CADM2: variants seen among roughly 807,000 people sequenced by gnomAD.
CADM2 encodes immunoglobulin superfamily member 4D.
Under a neutral mutation model 49.8 loss-of-function variants are expected in CADM2, and 12 were observed. That is an observed-to-expected ratio of 0.24 (90% confidence interval 0.15 to 0.39). CADM2 has a LOEUF of 0.39. Ranked by LOEUF, CADM2 falls within the 10% of genes least tolerant of loss-of-function variation. The probability of loss-of-function intolerance (pLI) is 1.00; values close to 1 mark genes in which losing one functional copy is unlikely to be tolerated. For synonymous variants in CADM2, 214 were observed against 175.4 expected (o/e 1.22, Z -1.74); for missense variants, 378 against 492.3 (o/e 0.77, Z 2.20).
At chr3:86,061,525 A>G (rs1450064804) in intron 8 of CADM2, among the ~76,000 whole-genome samples, 1 of 152,176 alleles carries the variant, frequency 6.6e-6, no homozygotes, top group East Asian at 1.9e-4. Context: ...TACATTTTAG[A>G]AGGATTAAGA....
chr3:85,733,685 C>T (rs1337228531), intron 2 of CADM2, among the ~76,000 whole-genome samples: 1 of 152,124 alleles, frequency 6.6e-6, no homozygotes, highest in Non-Finnish European at 1.5e-5. Flanking sequence ...AAACAAGGCT[C>T]AATTTTGTAT....
intron 1 of CADM2, among the ~76,000 whole-genome samples, chr3:85,019,082 A>C (rs562631126): frequency 6.6e-6 from 1 of 152,318 alleles, no homozygotes; most frequent in South Asian, 2.1e-4. Context: ...AAGTGCTAGA[A>C]ATTTGGTTTG....
intron 1 of CADM2, among the ~76,000 whole-genome samples, chr3:85,306,955 T>C (rs2044226887): frequency 6.6e-6 from 1 of 151,628 alleles, no homozygotes; most frequent in Non-Finnish European, 1.5e-5. Flanking sequence ...TCAGTCAGTA[T>C]TTCTTCTCCC....
At chr3:86,016,138 T>C (rs973318358) in intron 8 of CADM2, among the ~76,000 whole-genome samples, 1 of 152,134 alleles carries the variant, frequency 6.6e-6, no homozygotes, top group Non-Finnish European at 1.5e-5. Context: ...AGTCTTTTGA[T>C]ACACTATTTT....
chr3:85,964,329 G>A (rs1159212913), intron 8 of CADM2, among the ~76,000 whole-genome samples: 2 of 151,530 alleles, frequency 1.3e-5, no homozygotes, highest in East Asian at 2.0e-4. Context: ...GCTGAGACCC[G>A]TGTCTTTGAC....
intron 1 of CADM2, among the ~76,000 whole-genome samples, chr3:85,708,970 T>C (rs1043688058): frequency 5.9e-5 from 9 of 152,130 alleles, no homozygotes; most frequent in Non-Finnish European, 1.2e-4. Flanking sequence ...TCTAGGCTTT[T>C]GCCTGATACA....
Position 85,264,459 on chromosome 3 carries a change from C to T in CADM2, c.61+304791C>T, listed in dbSNP as rs184353403. Among the ~76,000 whole-genome samples, 273 of 152,140 alleles carry T rather than the reference C, an allele frequency of 1.8e-3. 1 individual carries two copies. Among genetic ancestry groups the T allele is most frequent in the African/African-American group, 6.3e-3 (262 of 41,548 alleles). The stretch of plus-strand genomic sequence containing the variant: ...AAATACTATACTAATTATATCATAT[C>T]AACAGTAAAATTGTTTATTCCTTTT... On this transcript the variant is annotated intron_variant, in intron 1 of 9. Transcript: ENST00000383699.
At chr3:85,978,837 A>G (rs1056006533) in intron 8 of CADM2, among the ~76,000 whole-genome samples, 2 of 148,636 alleles carry the variant, frequency 1.3e-5, no homozygotes, top group Non-Finnish European at 3.0e-5. Flanking sequence ...ATTTTTTTTT[A>G]CCTACATGTT....
At chr3:85,018,015 A>G (rs1209622720) in intron 1 of CADM2, among the ~76,000 whole-genome samples, 2 of 152,164 alleles carry the variant, frequency 1.3e-5, no homozygotes, top group African/African-American at 4.8e-5. Context: ...GACTTGTCAG[A>G]ATCTCTATCA....
chr3:85,485,450 T>C (rs967189782), intron 1 of CADM2, among the ~76,000 whole-genome samples: 7 of 151,966 alleles, frequency 4.6e-5, no homozygotes, highest in Non-Finnish European at 7.4e-5. Context: ...AATTATTCCT[T>C]AAAGAATACC....
chr3:85,366,567 T>G (rs1455608518), intron 1 of CADM2, among the ~76,000 whole-genome samples: 1 of 152,144 alleles, frequency 6.6e-6, no homozygotes, highest in African/African-American at 2.4e-5. Context: ...CAGGAAAAAT[T>G]TAACCACAGG....
At chr3:85,949,655 G>A (rs960857058) in intron 7 of CADM2, among the ~76,000 whole-genome samples, 3 of 150,988 alleles carry the variant, frequency 2.0e-5, no homozygotes, top group Non-Finnish European at 4.4e-5. Context: ...TACTTATTCA[G>A]AGCATTTAAT....
At chr3:85,719,101 T>C (rs998623913) in intron 1 of CADM2, among the ~76,000 whole-genome samples, 1 of 151,872 alleles carries the variant, frequency 6.6e-6, no homozygotes. Flanking sequence ...TTAGTAGATA[T>C]GAGGTTTCAC....
At chr3:86,062,356 T>A (rs1738761932) in intron 8 of CADM2, among the ~76,000 whole-genome samples, 1 of 152,130 alleles carries the variant, frequency 6.6e-6, no homozygotes, top group Admixed American at 6.6e-5. Context: ...ATGATAGAAA[T>A]GTAGGGAAAT....
intron 8 of CADM2, among the ~76,000 whole-genome samples, chr3:85,975,042 CAGATAGAT>C (rs982138105): frequency 1.3e-5 from 2 of 151,040 alleles, no homozygotes; most frequent in Non-Finnish European, 3.0e-5. Context: ...CTTAGATAGA[CAGATAGAT>C]AGATAGATAG....
intron 3 of CADM2, among the ~76,000 whole-genome samples, chr3:85,873,621 G>A (rs1711498594): frequency 6.6e-6 from 1 of 152,110 alleles, no homozygotes; most frequent in Non-Finnish European, 1.5e-5. Flanking sequence ...GGCTGAGATT[G>A]TGCCACTGCA....
At chr3:84,977,060 A>G (rs1275520641) in intron 1 of CADM2, among the ~76,000 whole-genome samples, 2 of 152,008 alleles carry the variant, frequency 1.3e-5, no homozygotes, top group Non-Finnish European at 2.9e-5. Context: ...TGAAAATGCC[A>G]GAAAAGAGAC....
chr3:85,898,188 A>T (rs1277525005), intron 5 of CADM2, among the ~76,000 whole-genome samples: 1 of 152,204 alleles, frequency 6.6e-6, no homozygotes, highest in Non-Finnish European at 1.5e-5. Flanking sequence ...AGATATAATG[A>T]TTGTTCCAGG....
chr3:86,048,959 G>A (rs981215058), intron 8 of CADM2, among the ~76,000 whole-genome samples: 15 of 152,006 alleles, frequency 9.9e-5, no homozygotes, highest in East Asian at 1.9e-4. Flanking sequence ...TCAGGGTCTC[G>A]TTTTTATGGC....
Sources: gnomAD v4.1 joint callset for allele counts (sites outside exome capture counted in the v4.1 genomes callset) on GRCh38, gnomAD v4.1.1 for gene constraint, MANE v1.5 for transcripts, NCBI Gene and HGNC (gene_info 2026-07-23, HGNC 2026-07-21) for gene names.